The following MARK3 variants were observed in gnomAD, a reference collection of about 807,000 sequenced individuals.
The protein encoded by MARK3 is microtubule affinity regulating kinase 3.
Under a neutral mutation model 90.1 loss-of-function variants are expected in MARK3, and 46 were observed. That is an observed-to-expected ratio of 0.51 (90% confidence interval 0.40 to 0.65). MARK3 has a LOEUF of 0.65. MARK3 is among the 30% of genes least tolerant of loss of function. The probability of loss-of-function intolerance (pLI) is 0.00; values close to 1 mark genes in which losing one functional copy is unlikely to be tolerated. For synonymous variants in MARK3, 321 were observed against 332.6 expected (o/e 0.97, Z 0.38); for missense variants, 818 against 947.2 (o/e 0.86, Z 1.79).
chr14:103,451,177 C>T (rs941420612), intron 4 of MARK3, among the ~76,000 whole-genome samples: 1 of 151,886 alleles, frequency 6.6e-6, no homozygotes, highest in African/African-American at 2.4e-5. Flanking sequence ...AAACGATCCA[C>T]CCGCCTCAGC....
chr14:103,462,955 C>A (rs1355173900), intron 7 of MARK3, among the ~76,000 whole-genome samples: 1 of 152,166 alleles, frequency 6.6e-6, no homozygotes, highest in African/African-American at 2.4e-5. Context: ...AACCTAGCAG[C>A]ACCTACCCCC....
intron 3 of MARK3, among the ~76,000 whole-genome samples, chr14:103,438,349 C>T (rs547166541): frequency 6.6e-6 from 1 of 152,286 alleles, no homozygotes; most frequent in East Asian, 1.9e-4. Flanking sequence ...TAGGTTAAAG[C>T]TCTCAAGATT....
At chr14:103,488,457 A>G (rs2093966841) in intron 14 of MARK3, among the ~76,000 whole-genome samples, 1 of 152,220 alleles carries the variant, frequency 6.6e-6, no homozygotes. Context: ...TGGCAGAAAT[A>G]CGAAACTGGA....
At chr14:103,393,358 G>A (rs532811045) in intron 1 of MARK3, among the ~76,000 whole-genome samples, 26 of 152,218 alleles carry the variant, frequency 1.7e-4, no homozygotes, top group Admixed American at 1.6e-3. Context: ...AAAAAAGTTG[G>A]CCTATAGTTT....
intron 14 of MARK3, among the ~76,000 whole-genome samples, chr14:103,482,634 T>G (rs2093847234): frequency 6.6e-6 from 1 of 152,138 alleles, no homozygotes; most frequent in Admixed American, 6.6e-5. Flanking sequence ...GTCAGTCTCC[T>G]CAAGGGTGTT....
At chr14:103,458,670 G>A in intron 6 of MARK3, 1 of 637,354 alleles carries the variant, frequency 1.6e-6, no homozygotes, top group African/African-American at 1.8e-5. Flanking sequence ...ACATTGAAAT[G>A]GAATTATAGC....
intron 3 of MARK3, among the ~76,000 whole-genome samples, chr14:103,441,912 A>G (rs890060757): frequency 6.6e-6 from 1 of 152,156 alleles, no homozygotes; most frequent in African/African-American, 2.4e-5. Flanking sequence ...ATTTTTAATG[A>G]TAGGACACCA....
At chr14:103,496,005 G>C (rs1256239061) in intron 15 of MARK3, among the ~76,000 whole-genome samples, 1 of 152,208 alleles carries the variant, frequency 6.6e-6, no homozygotes, top group African/African-American at 2.4e-5. Context: ...ACATGGCTTT[G>C]GAGAGCTATG....
chr14:103,435,709 A>G (rs535433188), intron 3 of MARK3, among the ~76,000 whole-genome samples: 1 of 149,396 alleles, frequency 6.7e-6, no homozygotes, highest in South Asian at 2.1e-4. Context: ...CGCCCGGCCT[A>G]TTTATTTTTT....
At chr14:103,421,203 G>A (rs2092205825) in intron 2 of MARK3, among the ~76,000 whole-genome samples, 1 of 152,162 alleles carries the variant, frequency 6.6e-6, no homozygotes, top group Non-Finnish European at 1.5e-5. Flanking sequence ...ATCATATATA[G>A]TAAAGAAGGT....
intron 1 of MARK3, among the ~76,000 whole-genome samples, chr14:103,395,713 C>T (rs2090538360): frequency 6.6e-6 from 1 of 152,282 alleles, no homozygotes; most frequent in African/African-American, 2.4e-5. Flanking sequence ...TGTTCTCATA[C>T]TTGATTGATA....
chr14:103,498,796 A>G (rs2075489619), intron 16 of MARK3: 1 of 225,432 alleles, frequency 4.4e-6, no homozygotes, highest in Non-Finnish European at 8.5e-6. Flanking sequence ...TAGCATCCAA[A>G]TAATTCTGTC....
Position 103,427,497 on chromosome 14 carries a change from C to CAAAAAAAAAAA in MARK3, c.244-884_244-874dup, listed in dbSNP as rs71126021. On this transcript the variant is annotated intron_variant, in intron 2 of 17. Transcript: ENST00000429436. ...CCTAGGCAACAGAGGGAGACTGTTT[C>CAAAAAAAAAAA]AAAAAAAAAAAAAAAAGAAACAAAA... is the stretch of plus-strand genomic sequence containing the variant. Among the ~76,000 whole-genome samples the CAAAAAAAAAAA allele has an allele frequency of 7.2e-3, 800 of 110,612 alleles. 31 individuals carry two copies. The highest frequency in any genetic ancestry group is 0.028 in the Admixed American group (252 of 8,984). The allele number at this position is 110,612 out of a possible 152,430, so 72.6% of individuals were successfully genotyped here.
At chr14:103,395,330 G>GTT (rs200551813) in intron 1 of MARK3, among the ~76,000 whole-genome samples, 11 of 144,802 alleles carry the variant, frequency 7.6e-5, no homozygotes, top group African/African-American at 2.5e-4. Flanking sequence ...GTGCCTCATG[G>GTT]TTTTTTTTTT....
intron 14 of MARK3, chr14:103,490,370 A>C (rs2141999792): frequency 6.6e-6 from 1 of 152,220 alleles, no homozygotes; most frequent in East Asian, 1.9e-4. Context: ...TATACCTGTA[A>C]TCTTATTAAT....
rs1394377854 is a variant in MARK3 at position 103,466,043 on chromosome 14, T to C, written c.849T>C (p.Leu283=). 3.5e-5 allele frequency: 57 copies of C among 1,613,942 alleles called. No homozygotes were observed. Among genetic ancestry groups the C allele is most frequent in the Non-Finnish European group, 4.5e-5 (53 of 1,180,016 alleles). Residue 283 remains leucine, a synonymous_variant, in exon 9 of 18, where the codon CTT becomes CTC. Transcript: ENST00000429436. ...PFYMSTDCEN[L]LKRFLVLNPI... ...ACATGTCTACAGACTGTGAAAACCT[T>C]CTCAAACGTTTCCTGGTGCTAAATC...
At chr14:103,456,674 TGTG>T (rs1313990555) in intron 5 of MARK3, among the ~76,000 whole-genome samples, 3 of 152,200 alleles carry the variant, frequency 2.0e-5, no homozygotes, top group Non-Finnish European at 4.4e-5. Flanking sequence ...AAAAGGATCT[TGTG>T]TTCACTGCTG....
At chr14:103,484,750 G>A (rs966603944) in intron 14 of MARK3, among the ~76,000 whole-genome samples, 1 of 106,102 alleles carries the variant, frequency 9.4e-6, no homozygotes, top group African/African-American at 3.5e-5. Flanking sequence ...GACCAACATG[G>A]TGAAACCCTG....
At chr14:103,433,801 G>T (rs1468692972) in intron 3 of MARK3, among the ~76,000 whole-genome samples, 1 of 152,124 alleles carries the variant, frequency 6.6e-6, no homozygotes, top group African/African-American at 2.4e-5. Context: ...TGGAATCTTA[G>T]CAGGGATTAC....
Sources: gnomAD v4.1 joint callset for allele counts (sites outside exome capture counted in the v4.1 genomes callset) on GRCh38, gnomAD v4.1.1 for gene constraint, MANE v1.5 for transcripts, NCBI Gene and HGNC (gene_info 2026-07-23, HGNC 2026-07-21) for gene names.